The following IL17RD variants were observed in gnomAD, a reference collection of about 807,000 sequenced individuals.
IL17RD encodes the protein interleukin 17 receptor D, also known as interleukin-17 receptor D.
In IL17RD, 52 loss-of-function variants were observed where a neutral mutation model predicts 80.5. That is an observed-to-expected ratio of 0.65 (90% CI 0.52 to 0.81). The LOEUF is 0.81. Ranked by LOEUF, IL17RD falls within the 40% of genes least tolerant of loss-of-function variation. IL17RD has a pLI of 0.00. For synonymous variants in IL17RD, 416 were observed against 391.8 expected (o/e 1.06, Z -0.73); for missense variants, 1,024 against 955.1 (o/e 1.07, Z -0.95).
intron 1 of IL17RD, among the ~76,000 whole-genome samples, chr3:57,128,929 G>A (rs532032329): frequency 2.0e-4 from 30 of 152,314 alleles, no homozygotes; most frequent in Admixed American, 7.8e-4. Context: ...TCTGGGCTGT[G>A]TGTTCTCCCA....
At chr3:57,108,534 T>TTTTG (rs1707017703) in intron 5 of IL17RD, among the ~76,000 whole-genome samples, 1 of 142,278 alleles carries the variant, frequency 7.0e-6, no homozygotes, top group African/African-American at 2.6e-5. Context: ...TTTTTTTTTT[T>TTTTG]AGATGGAGGT....
At chr3:57,129,105 C>G (rs1029393592) in intron 1 of IL17RD, among the ~76,000 whole-genome samples, 11 of 152,276 alleles carry the variant, frequency 7.2e-5, no homozygotes, top group African/African-American at 2.4e-4. Flanking sequence ...GAACTGGCAT[C>G]TTTAAGGTAA....
At chr3:57,167,868 G>T (rs546712362), upstream of IL17RD, among the ~76,000 whole-genome samples, 1 of 152,098 alleles carries the variant, frequency 6.6e-6, no homozygotes, top group African/African-American at 2.4e-5. Context: ...GTCTCACCCT[G>T]TCACCCAGGC....
intron 2 of IL17RD, among the ~76,000 whole-genome samples, chr3:57,117,113 ATTTT>A (rs11422909): frequency 1.5e-5 from 2 of 136,138 alleles, no homozygotes; most frequent in African/African-American, 5.5e-5. Context: ...AAGTTTAAGA[ATTTT>A]TTTTTTTTTT....
chr3:57,142,375 A>G, intron 1 of IL17RD: 1 of 509,726 alleles, frequency 2.0e-6, no homozygotes, highest in Non-Finnish European at 3.6e-6. Context: ...GGAGAAGTGG[A>G]GGGAGAAACA....
intron 1 of IL17RD, among the ~76,000 whole-genome samples, chr3:57,157,099 G>C (rs2060273210): frequency 6.6e-6 from 1 of 152,142 alleles, no homozygotes; most frequent in Admixed American, 6.5e-5. Context: ...ACAGAGAAAA[G>C]GGGGCCTCCT....
intron 3 of IL17RD, among the ~76,000 whole-genome samples, chr3:57,111,003 C>G (rs747378207): frequency 2.0e-5 from 3 of 152,232 alleles, no homozygotes; most frequent in Admixed American, 1.3e-4. Flanking sequence ...TGAGCTCCCC[C>G]CACTGCACGT....
At chr3:57,138,049 G>C (rs1707761417) in intron 1 of IL17RD, among the ~76,000 whole-genome samples, 5 of 152,196 alleles carry the variant, frequency 3.3e-5, no homozygotes. Flanking sequence ...GCGGTATTTA[G>C]AGCAGTCAAA....
At chr3:57,099,223 G>A (rs968252276) in intron 11 of IL17RD, among the ~76,000 whole-genome samples, 2 of 152,204 alleles carry the variant, frequency 1.3e-5, no homozygotes, top group South Asian at 4.1e-4. Flanking sequence ...CTCAGGACTG[G>A]CTAGCACCTT....
chr3:57,093,103 A>G lies in IL17RD; in HGVS notation c.*3290T>C, dbSNP rs1706595830. 2.0e-5 allele frequency: 3 copies of G among 152,204 alleles called. No homozygotes were observed. Among genetic ancestry groups the G allele is most frequent in the Admixed American group, 2.0e-4 (3 of 15,270 alleles). The allele number at this position is 152,204 out of a possible 1,614,324, so 9.4% of individuals were successfully genotyped here. On this transcript the variant is annotated 3_prime_UTR_variant, in exon 13 of 13. Transcript: ENST00000296318. ...TGGAACAGGGGCGCTTCAGTTTGCC[A>G]CAGTCCCCACCATTCCCTATTGCTG...
At chr3:57,132,881 T>G (rs2107516880) in intron 1 of IL17RD, among the ~76,000 whole-genome samples, 1 of 152,320 alleles carries the variant, frequency 6.6e-6, no homozygotes, top group East Asian at 1.9e-4. Context: ...AGAAAACAGC[T>G]GATTTTCCCA....
chr3:57,106,249 G>A, intron 5 of IL17RD, 95 bp from the exon 6 acceptor site: 2 of 870,046 alleles, frequency 2.3e-6, no homozygotes, highest in South Asian at 1.5e-5. Context: ...TACTGTGCCG[G>A]GTGATGCTAG....
chr3:57,130,700 G>A (rs918244521), intron 1 of IL17RD, among the ~76,000 whole-genome samples: 14 of 152,116 alleles, frequency 9.2e-5, no homozygotes, highest in African/African-American at 3.1e-4. Flanking sequence ...TGACACTCAC[G>A]GTGTTACCTC....
In IL17RD at chr3:57,092,147, G is replaced by A. The variant is rs1706569086; in HGVS notation, c.*4246C>T. ...GATAATGCAAATACCTGGCTCTAATGGACGCTAGGAGGTTCCTTGCCTTAC... is the reference window on the plus strand; with the variant it reads ...GATAATGCAAATACCTGGCTCTAATAGACGCTAGGAGGTTCCTTGCCTTAC... On this transcript the variant is annotated 3_prime_UTR_variant, in exon 13 of 13. Transcript: ENST00000296318. The A allele has an allele frequency of 6.6e-6, 1 of 152,618 alleles. No individual in the cohort carries two copies. The highest frequency in any genetic ancestry group is 1.5e-5 in the Non-Finnish European group (1 of 68,040). The allele number at this position is 152,618 out of a possible 1,614,324, so 9.5% of individuals were successfully genotyped here. A position where few individuals can be genotyped will look rare whatever the true frequency, so the allele number is the denominator to read the frequency against.
chr3:57,146,357 ACTC>A (rs1405975367), intron 1 of IL17RD, among the ~76,000 whole-genome samples: 1 of 152,188 alleles, frequency 6.6e-6, no homozygotes, highest in Non-Finnish European at 1.5e-5. Context: ...ACTAAAACAT[ACTC>A]AGAAGGTAAA....
At chr3:57,103,213 G>A in intron 8 of IL17RD, 68 bp from the exon 9 acceptor site, 1 of 1,344,528 alleles carries the variant, frequency 7.4e-7, no homozygotes. Context: ...GGAAAAAAAT[G>A]GTAATTTCAT....
At chr3:57,135,319 C>G (rs1707703316) in intron 1 of IL17RD, among the ~76,000 whole-genome samples, 1 of 152,088 alleles carries the variant, frequency 6.6e-6, no homozygotes, top group Non-Finnish European at 1.5e-5. Context: ...GGCAGAAGGC[C>G]AGGCCAGGAT....
intron 5 of IL17RD, among the ~76,000 whole-genome samples, chr3:57,106,931 C>T (rs1706977388): frequency 6.6e-6 from 1 of 152,118 alleles, no homozygotes. Flanking sequence ...TGATTCTATG[C>T]CAACGGGAAA....
chr3:57,145,462 C>A (rs1257910423), intron 1 of IL17RD, among the ~76,000 whole-genome samples: 1 of 152,134 alleles, frequency 6.6e-6, no homozygotes, highest in Admixed American at 6.5e-5. Flanking sequence ...GCAGAGCCGA[C>A]AGGCCACATT....
Sources: gnomAD v4.1 joint callset for allele counts (sites outside exome capture counted in the v4.1 genomes callset) on GRCh38, gnomAD v4.1.1 for gene constraint, MANE v1.5 for transcripts, NCBI Gene and HGNC (gene_info 2026-07-23, HGNC 2026-07-21) for gene names.